The following RACGAP1 variants were observed in gnomAD, a reference collection of about 807,000 sequenced individuals.
RACGAP1 encodes rac GTPase-activating protein 1.
A neutral mutation model predicts 78.1 loss-of-function variants in RACGAP1; 30 were observed. That is an observed-to-expected ratio of 0.38 (90% CI 0.29 to 0.52). The LOEUF (loss-of-function observed/expected upper bound fraction) is 0.52. Ranked by LOEUF, RACGAP1 falls within the 20% of genes least tolerant of loss-of-function variation. The pLI is 0.82. For synonymous variants in RACGAP1, 231 were observed against 264.8 expected, an observed-to-expected ratio of 0.87 and a Z score of 1.24; for missense variants, 587 against 777.1, an observed-to-expected ratio of 0.76 and a Z score of 2.91.
intron 2 of RACGAP1, chr12:50,031,661 T>C (rs1383872131): frequency 1.0e-6 from 1 of 984,668 alleles, no homozygotes; most frequent in African/African-American, 1.7e-5. Flanking sequence ...CTTCCCGAAC[T>C]TCCAGTGCCT....
upstream of RACGAP1, among the ~76,000 whole-genome samples, chr12:50,025,764 A>G (rs1950252595): frequency 1.3e-5 from 2 of 152,008 alleles, no homozygotes; most frequent in Admixed American, 6.6e-5. Flanking sequence ...TCTTGGTCTC[A>G]CTGTCTGCGG....
chr12:49,990,822 G>C, intron 15 of RACGAP1, 30 bp from the exon 16 acceptor site: 1 of 1,568,014 alleles, frequency 6.4e-7, no homozygotes, highest in Non-Finnish European at 8.8e-7. Context: ...TTTTAAGAGA[G>C]GTGGGAAAAA....
chr12:50,002,949 G>A (rs57014171), intron 5 of RACGAP1, among the ~76,000 whole-genome samples: 13,274 of 151,516 alleles, frequency 0.088, 680 homozygotes, highest in South Asian at 0.15. Flanking sequence ...GCATAAACCC[G>A]GGAGGCGGAG....
At chr12:50,006,400 T>C (rs757489396) in intron 3 of RACGAP1, 34 bp downstream of exon 3, 1 of 1,609,510 alleles carries the variant, frequency 6.2e-7, no homozygotes, top group South Asian at 1.1e-5. Context: ...CCCTCCTGCA[T>C]CATCACTGTT....
chr12:49,992,280 C>G lies in RACGAP1; in HGVS notation c.1543G>C (p.Val515Leu). ...CGCTTGATGTCCTGTAACATTGTCA[C>G]TGGGTCTGGATTGGGCACAGCATGG... The part of the protein sequence containing the change: ...VAHAVPNPDP[V>L]TMLQDIKRQP... The change falls in exon 14 of 17, where the codon GTG becomes CTG. Residue 515 changes from valine (V) to leucine (L), a missense_variant. By Grantham distance (32) the Val-to-Leu change is conservative. Coordinates refer to ENST00000312377, the MANE Select transcript of RACGAP1 (RefSeq NM_001319999.2). 6.2e-7 allele frequency: 1 copy of G among 1,614,178 alleles called. No homozygotes were observed. The highest frequency in any genetic ancestry group is 8.5e-7 in the Non-Finnish European group (1 of 1,180,046).
intron 4 of RACGAP1, 86 bp downstream of exon 4, chr12:50,005,170 G>C: frequency 1.3e-6 from 2 of 1,569,622 alleles, no homozygotes; most frequent in East Asian, 2.3e-5. Context: ...CATTCTAGAA[G>C]AAGTATATTT....
chr12:50,004,720 T>C (rs1380762560), intron 4 of RACGAP1, among the ~76,000 whole-genome samples: 1 of 152,232 alleles, frequency 6.6e-6, no homozygotes, highest in Non-Finnish European at 1.5e-5. Flanking sequence ...AGCCTGTACA[T>C]CTTCTTAGTT....
At chr12:50,005,539 A>G (rs1948924147) in intron 3 of RACGAP1, 147 bp from the exon 4 acceptor site, 1 of 833,170 alleles carries the variant, frequency 1.2e-6, no homozygotes, top group East Asian at 2.7e-5. Context: ...ATAGCATATT[A>G]ATTCACATCA....
intron 15 of RACGAP1, among the ~76,000 whole-genome samples, chr12:49,991,477 A>ATT (rs1476614641): frequency 5.1e-4 from 19 of 36,982 alleles, no homozygotes; most frequent in African/African-American, 1.2e-3. Context: ...ATATATATAT[A>ATT]TATTTTTTTT....
intron 6 of RACGAP1, among the ~76,000 whole-genome samples, chr12:50,001,697 C>T (rs1279282227): frequency 6.6e-6 from 1 of 152,138 alleles, no homozygotes; most frequent in Admixed American, 6.6e-5. Flanking sequence ...TATCCTTTTC[C>T]ACTGTATGAA....
intron 2 of RACGAP1, among the ~76,000 whole-genome samples, chr12:50,007,925 GA>G (rs1336322168): frequency 6.8e-6 from 1 of 147,012 alleles, no homozygotes; most frequent in East Asian, 2.0e-4. Context: ...TTAGCTTAAA[GA>G]AAAAAACATA....
rs753287681 is a variant in RACGAP1 at position 50,001,148 on chromosome 12, T to C, written c.630+24A>G. On this transcript the variant is annotated intron_variant, in intron 7 of 16. Transcript: ENST00000312377. ...TAATGCTTGGGGCCAGTAATCTCTG[T>C]TACCTTGGCCTGACTATTCTTACCT... 7.2e-6 allele frequency: 11 copies of C among 1,535,242 alleles called. 1 individual carries two copies. The South Asian group carries it at 1.1e-4, about 16-fold the overall frequency.
At chr12:50,000,920 C>A (rs536125190) in intron 7 of RACGAP1, among the ~76,000 whole-genome samples, 2 of 152,122 alleles carry the variant, frequency 1.3e-5, no homozygotes, top group Non-Finnish European at 2.9e-5. Context: ...TGGTGGCATG[C>A]GCCTGTAATC....
intron 5 of RACGAP1, among the ~76,000 whole-genome samples, chr12:50,003,125 A>G (rs184403093): frequency 4.6e-5 from 7 of 152,118 alleles, no homozygotes; most frequent in East Asian, 3.9e-4. Flanking sequence ...TCTCATTTCA[A>G]TTCACCTATT....
chr12:50,018,449 G>A (rs1260789814), intron 1 of RACGAP1: 22 of 961,292 alleles, frequency 2.3e-5, no homozygotes, highest in East Asian at 6.2e-5. Flanking sequence ...CATTAAAACC[G>A]GCAGGAAGAG....
intron 1 of RACGAP1, chr12:50,018,576 T>G: frequency 1.6e-6 from 2 of 1,288,670 alleles, no homozygotes; most frequent in Non-Finnish European, 2.0e-6. Flanking sequence ...AAATGTTGAT[T>G]TCCTTTGGCT....
chr12:49,999,872 C>CA, intron 7 of RACGAP1, 139 bp from the exon 8 acceptor site: 1 of 651,408 alleles, frequency 1.5e-6, no homozygotes, highest in South Asian at 1.8e-5. Flanking sequence ...TTTTTTGAGA[C>CA]AGAGTTTTTC....
chr12:50,029,178 T>C (rs1178630928), upstream of RACGAP1, among the ~76,000 whole-genome samples: 1 of 143,728 alleles, frequency 7.0e-6, no homozygotes, highest in Middle Eastern at 3.4e-3. Flanking sequence ...ATCGCGCCAC[T>C]GCACTCCAGC....
intron 7 of RACGAP1, among the ~76,000 whole-genome samples, chr12:50,000,057 A>G (rs1326753118): frequency 1.7e-5 from 2 of 120,718 alleles, no homozygotes; most frequent in African/African-American, 6.3e-5. Context: ...TGTGTCGCCC[A>G]CGCTGGAGTA....
Sources: allele counts gnomAD v4.1 joint callset (sites outside exome capture counted in the v4.1 genomes callset), GRCh38; gene constraint gnomAD v4.1.1; transcripts MANE v1.5; gene names NCBI Gene and HGNC (gene_info 2026-07-23, HGNC 2026-07-21).